The following PRORP variants were observed in gnomAD, a reference collection of about 807,000 sequenced individuals.
The protein encoded by PRORP is mitochondrial ribonuclease P catalytic subunit.
A neutral mutation model predicts 59.4 loss-of-function variants in PRORP; 51 were observed. That is an observed-to-expected ratio of 0.86 (90% CI 0.69 to 1.08). The LOEUF is 1.08. PRORP is among the 50% of genes least tolerant of loss of function. PRORP has a pLI of 0.00. For missense variants in PRORP, 646 were observed against 690.3 expected, an observed-to-expected ratio of 0.94 and a Z score of 0.72; for synonymous variants, 231 against 245.6, an observed-to-expected ratio of 0.94 and a Z score of 0.55.
At chr14:35,211,619 A>G (rs1169638485) in intron 5 of PRORP, among the ~76,000 whole-genome samples, 1 of 152,366 alleles carries the variant, frequency 6.6e-6, no homozygotes, top group African/African-American at 2.4e-5. Flanking sequence ...ACTGTAGTCT[A>G]TTATGTATGC....
chr14:35,220,695 G>T (rs191481859), intron 5 of PRORP, among the ~76,000 whole-genome samples: 76 of 152,148 alleles, frequency 5.0e-4, no homozygotes, highest in African/African-American at 1.8e-3. Flanking sequence ...TCCTGAGTCT[G>T]TTCTTTTCCA....
chr14:35,123,824 A>G lies in PRORP; in HGVS notation c.579A>G (p.Glu193=), dbSNP rs528369506. The part of the protein sequence containing the change: ...YLCVFHMQTS[E]VIDVFEIMKA... Reference sequence around the variant, plus strand: ...GTGTCTTTCATATGCAGACATCTGAAGTTATTGATGTCTTTGAAATTATGA... The same window carrying G: ...GTGTCTTTCATATGCAGACATCTGAGGTTATTGATGTCTTTGAAATTATGA... Residue 193 remains glutamate (E), a synonymous_variant, in exon 2 of 8, where the codon GAA becomes GAG. Transcript: ENST00000534898. 6 of 1,614,196 alleles carry G rather than the reference A, an allele frequency of 3.7e-6. No individual in the cohort carries two copies. In the African/African-American group the frequency reaches 8.0e-5, roughly 22 times the overall value.
At chr14:35,204,449 CAA>C (rs2049239743) in intron 5 of PRORP, among the ~76,000 whole-genome samples, 1 of 152,128 alleles carries the variant, frequency 6.6e-6, no homozygotes, top group South Asian at 2.1e-4. Flanking sequence ...TGCTATGCTA[CAA>C]AGTTACCAAA....
At chr14:35,214,017 C>T (rs1428454297) in intron 5 of PRORP, among the ~76,000 whole-genome samples, 1 of 152,164 alleles carries the variant, frequency 6.6e-6, no homozygotes, top group Non-Finnish European at 1.5e-5. Context: ...GTATCATATT[C>T]CCTGTGCATC....
At chr14:35,178,266 A>G (rs1004380479) in intron 4 of PRORP, among the ~76,000 whole-genome samples, 2 of 152,124 alleles carry the variant, frequency 1.3e-5, no homozygotes, top group Admixed American at 1.3e-4. Context: ...GGTCCGCTTG[A>G]TGCCGAGCTG....
intron 5 of PRORP, among the ~76,000 whole-genome samples, chr14:35,194,908 A>C (rs1267395374): frequency 6.6e-6 from 1 of 152,194 alleles, no homozygotes; most frequent in Non-Finnish European, 1.5e-5. Context: ...AATTGTAAAG[A>C]AAATCGTAAA....
In PRORP at chr14:35,126,741, TG is replaced by T; in HGVS notation, c.995del (p.Gly332GlufsTer24). ...TTTTGCAATCTTTTCATAGTGTTCC[TG>T]GAAAACAATGGAAAGGACAATTCAC... ...SIKTWFESVP[G>X]KQWKGQFTTV... On this transcript the variant is annotated frameshift_variant, in exon 3 of 8. Transcript: ENST00000534898. LOFTEE classifies it high-confidence loss of function. 1 of 1,609,444 alleles carries T rather than the reference TG, an allele frequency of 6.2e-7. No homozygotes were observed. Among genetic ancestry groups the T allele is most frequent in the Non-Finnish European group, 8.5e-7 (1 of 1,177,034 alleles).
Position 35,275,234 on chromosome 14 carries a change from T to G in PRORP, c.*1668T>G, listed in dbSNP as rs1430154378. 6.6e-6 allele frequency: 1 copy of G among 152,168 alleles called. No individual in the cohort carries two copies. The highest frequency in any genetic ancestry group is 1.5e-5 in the Non-Finnish European group (1 of 68,032). 9.4% of individuals were successfully genotyped at this position (152,168 alleles called of 1,614,324 possible). ...TTATGACAATATACCTCAAAGTAAGTTAGGGTAAGAAAAGATAATTACTTA... is the reference window on the plus strand; with the variant it reads ...TTATGACAATATACCTCAAAGTAAGGTAGGGTAAGAAAAGATAATTACTTA... On this transcript the variant is annotated 3_prime_UTR_variant, in exon 8 of 8. Transcript: ENST00000534898.
chr14:35,249,329 C>T (rs1231428767), intron 5 of PRORP, among the ~76,000 whole-genome samples: 1 of 152,120 alleles, frequency 6.6e-6, no homozygotes, highest in Admixed American at 6.6e-5. Flanking sequence ...TACCTGTAAT[C>T]TCAGCACTTT....
intron 5 of PRORP, among the ~76,000 whole-genome samples, chr14:35,183,011 T>G (rs2048653672): frequency 6.6e-6 from 1 of 152,162 alleles, no homozygotes; most frequent in South Asian, 2.1e-4. Flanking sequence ...TAAATATTAA[T>G]TTTTGTGAAT....
chr14:35,226,597 G>A (rs1026510211), intron 5 of PRORP, among the ~76,000 whole-genome samples: 2 of 152,128 alleles, frequency 1.3e-5, no homozygotes, highest in African/African-American at 4.8e-5. Flanking sequence ...ATGGGTTGGG[G>A]GGAGTAATAA....
intron 4 of PRORP, among the ~76,000 whole-genome samples, chr14:35,130,794 T>C (rs556664163): frequency 1.3e-5 from 2 of 152,064 alleles, no homozygotes; most frequent in East Asian, 1.9e-4. Flanking sequence ...TATGTCCTTT[T>C]CTTTCTGCCA....
At chr14:35,127,657 C>T in intron 4 of PRORP, 46 bp downstream of exon 4, 1 of 1,604,820 alleles carries the variant, frequency 6.2e-7, no homozygotes, top group Non-Finnish European at 8.5e-7. Flanking sequence ...TTGTCTAGAG[C>T]AGGGGTTAGC....
At chr14:35,185,043 A>T (rs948573811) in intron 5 of PRORP, among the ~76,000 whole-genome samples, 1 of 152,162 alleles carries the variant, frequency 6.6e-6, no homozygotes, top group African/African-American at 2.4e-5. Context: ...ATGCTCAGTA[A>T]TGGGATTGCT....
At position 35,273,267 on chromosome 14, in the gene PRORP, T is replaced by C. The variant is rs180777983; in HGVS notation, c.1621-168T>C. On this transcript the variant is annotated intron_variant, in intron 7 of 7. Coordinates refer to ENST00000534898, the MANE Select transcript of PRORP (RefSeq NM_014672.4). Reference sequence around the variant, plus strand: ...CCTCAAAAAAAGGAACTCCTAATATTAGGGCTCATCTTCACAGAGTTTGCT... The same window carrying C: ...CCTCAAAAAAAGGAACTCCTAATATCAGGGCTCATCTTCACAGAGTTTGCT... Among the ~76,000 whole-genome samples, 240 of 152,328 alleles carry C rather than the reference T, an allele frequency of 1.6e-3. 2 individuals are homozygous for C. The highest frequency in any genetic ancestry group is 5.5e-3 in the African/African-American group (228 of 41,576).
chr14:35,223,605 G>A (rs1399321664), intron 5 of PRORP, among the ~76,000 whole-genome samples: 2 of 151,982 alleles, frequency 1.3e-5, no homozygotes, highest in Non-Finnish European at 2.9e-5. Context: ...GATTACAGGT[G>A]CGCGCCACTG....
chr14:35,186,095 A>C (rs1208816589), intron 5 of PRORP, among the ~76,000 whole-genome samples: 1 of 151,570 alleles, frequency 6.6e-6, no homozygotes, highest in Non-Finnish European at 1.5e-5. Flanking sequence ...ACACCCCCCA[A>C]CCTCAGCCTT....
rs531436748 is a variant in PRORP at position 35,272,891 on chromosome 14, C to T, written c.1621-544C>T. ...TTGCATATAACCTACACACATCCTC[C>T]TGTGTACTTTGAATCATCTAGATTA... On this transcript the variant is annotated intron_variant, in intron 7 of 7. Coordinates refer to ENST00000534898, the MANE Select transcript of PRORP (RefSeq NM_014672.4). 1.2e-4 allele frequency among the ~76,000 whole-genome samples: 18 copies of T among 152,278 alleles called. No individual in the cohort carries two copies. The East Asian group carries it at 3.3e-3, about 28-fold the overall frequency.
intron 5 of PRORP, among the ~76,000 whole-genome samples, chr14:35,245,922 TTA>T (rs2138565898): frequency 6.6e-6 from 1 of 152,302 alleles, no homozygotes; most frequent in South Asian, 2.1e-4. Context: ...GGTAAAATTT[TTA>T]TGAGTTTCCG....
Sources: gnomAD v4.1 joint callset for allele counts (sites outside exome capture counted in the v4.1 genomes callset) on GRCh38, gnomAD v4.1.1 for gene constraint, MANE v1.5 for transcripts, NCBI Gene and HGNC (gene_info 2026-07-23, HGNC 2026-07-21) for gene names.